IQCM: variants seen among roughly 807,000 people sequenced by gnomAD.
IQCM encodes the protein IQ domain-containing protein M.
Under a neutral mutation model 57.6 loss-of-function variants are expected in IQCM, and 45 were observed. That is an observed-to-expected ratio of 0.78 (90% CI 0.62 to 1.00). The LOEUF (loss-of-function observed/expected upper bound fraction) is 1.00. Ranked by LOEUF, IQCM falls within the 50% of genes least tolerant of loss-of-function variation. The pLI is 0.00. For missense variants in IQCM, 468 were observed against 511.6 expected, an observed-to-expected ratio of 0.91 and a Z score of 0.82; for synonymous variants, 148 against 158.9, an observed-to-expected ratio of 0.93 and a Z score of 0.51.
chr4:149,361,079 C>T (rs1486882641), intron 13 of IQCM, among the ~76,000 whole-genome samples: 1 of 152,090 alleles, frequency 6.6e-6, no homozygotes, highest in African/African-American at 2.4e-5. Context: ...AAAGGTGACT[C>T]TTGTTACATT....
intron 13 of IQCM, among the ~76,000 whole-genome samples, chr4:149,356,683 C>T (rs1156841123): frequency 1.3e-5 from 2 of 152,102 alleles, no homozygotes; most frequent in Non-Finnish European, 2.9e-5. Flanking sequence ...TAGCATGATG[C>T]CTCCAGCTTT....
chr4:149,641,245 G>C (rs1758163875), intron 7 of IQCM, among the ~76,000 whole-genome samples: 1 of 152,072 alleles, frequency 6.6e-6, no homozygotes, highest in East Asian at 1.9e-4. Flanking sequence ...ATGTTATTTA[G>C]CCAGTTTATT....
rs1033250514 is a variant in IQCM at position 149,465,248 on chromosome 4, A to C, written c.1229-31691T>G. On this transcript the variant is annotated intron_variant, in intron 12 of 13. Coordinates refer to ENST00000636793, the MANE Select transcript of IQCM (RefSeq NM_001363507.2). ...TTGGTTTTTTTTAATCAATTGATTAACAGAAGATGTAAGATATGTAGCTGG... is the reference window on the plus strand; with the variant it reads ...TTGGTTTTTTTTAATCAATTGATTACCAGAAGATGTAAGATATGTAGCTGG... 4.6e-5 allele frequency among the ~76,000 whole-genome samples: 7 copies of C among 152,196 alleles called. No homozygotes were observed. In the South Asian group the frequency reaches 1.4e-3, roughly 31 times the overall value.
chr4:149,771,411 T>C (rs1770567661), intron 2 of IQCM, among the ~76,000 whole-genome samples: 1 of 152,098 alleles, frequency 6.6e-6, no homozygotes, highest in African/African-American at 2.4e-5. Flanking sequence ...AAATGTCATA[T>C]TGTCTCTTAA....
At chr4:149,740,965 A>G (rs990524254) in intron 3 of IQCM, among the ~76,000 whole-genome samples, 4 of 152,156 alleles carry the variant, frequency 2.6e-5, no homozygotes, top group African/African-American at 9.7e-5. Context: ...ATGGAGCTGG[A>G]AAGTAAATAG....
intron 7 of IQCM, among the ~76,000 whole-genome samples, chr4:149,646,543 G>A (rs1758652861): frequency 6.6e-6 from 1 of 152,060 alleles, no homozygotes; most frequent in South Asian, 2.1e-4. Context: ...TATGTAAGCA[G>A]TAATCAAAAG....
At chr4:149,361,376 AC>A (rs1008490536) in intron 13 of IQCM, among the ~76,000 whole-genome samples, 9 of 152,226 alleles carry the variant, frequency 5.9e-5, no homozygotes, top group Non-Finnish European at 1.2e-4. Flanking sequence ...CCTAATGTTA[AC>A]CCCCAAGACC....
chr4:149,458,432 G>A (rs543585774), intron 12 of IQCM, among the ~76,000 whole-genome samples: 24 of 152,102 alleles, frequency 1.6e-4, no homozygotes, highest in Middle Eastern at 3.4e-3. Flanking sequence ...TTTAGTAAAA[G>A]ACAATAAGAA....
chr4:149,440,680 A>T (rs973719231), intron 12 of IQCM, among the ~76,000 whole-genome samples: 1 of 152,170 alleles, frequency 6.6e-6, no homozygotes, highest in Non-Finnish European at 1.5e-5. Context: ...TCAGTAAAAA[A>T]TGAACTTCAA....
intron 13 of IQCM, among the ~76,000 whole-genome samples, chr4:149,401,902 A>C (rs1437923850): frequency 6.6e-6 from 1 of 151,818 alleles, no homozygotes; most frequent in African/African-American, 2.4e-5. Flanking sequence ...CATTTTGTCC[A>C]TGCAACTTTA....
intron 2 of IQCM, among the ~76,000 whole-genome samples, chr4:149,763,825 T>C (rs1195747649): frequency 1.3e-5 from 2 of 151,842 alleles, no homozygotes; most frequent in Non-Finnish European, 2.9e-5. Flanking sequence ...TGCAAAAAGA[T>C]GCAATACCTG....
At chr4:149,586,203 A>C (rs1752631162) in intron 9 of IQCM, among the ~76,000 whole-genome samples, 1 of 151,678 alleles carries the variant, frequency 6.6e-6, no homozygotes, top group Admixed American at 6.6e-5. Context: ...TTTTCAAAAT[A>C]ATGTACATGT....
At chr4:149,440,850 A>G (rs996082879) in intron 12 of IQCM, among the ~76,000 whole-genome samples, 5 of 152,082 alleles carry the variant, frequency 3.3e-5, no homozygotes, top group African/African-American at 1.2e-4. Flanking sequence ...AGATTTCTCA[A>G]TCCTGTTCAA....
intron 5 of IQCM, among the ~76,000 whole-genome samples, chr4:149,717,193 T>C (rs1471822840): frequency 1.3e-5 from 2 of 152,194 alleles, no homozygotes; most frequent in African/African-American, 4.8e-5. Context: ...TAGCCAGTTG[T>C]TGAGAAATTC....
chr4:149,678,356 C>A (rs573912254), intron 7 of IQCM, among the ~76,000 whole-genome samples: 1 of 151,896 alleles, frequency 6.6e-6, no homozygotes, highest in East Asian at 1.9e-4. Flanking sequence ...TCATACATGC[C>A]AGGAGAAAAT....
chr4:149,717,402 CAG>C (rs1164887384), intron 5 of IQCM, among the ~76,000 whole-genome samples: 2 of 152,130 alleles, frequency 1.3e-5, no homozygotes, highest in Non-Finnish European at 2.9e-5. Context: ...CCAGAGGACA[CAG>C]AATTATTCTG....
intron 12 of IQCM, among the ~76,000 whole-genome samples, chr4:149,475,223 T>C (rs920520784): frequency 1.3e-5 from 2 of 152,128 alleles, no homozygotes; most frequent in African/African-American, 4.8e-5. Flanking sequence ...CTGAATATCA[T>C]TGAAGGTAGA....
chr4:149,573,851 G>A (rs1266885677), intron 9 of IQCM, among the ~76,000 whole-genome samples: 3 of 151,864 alleles, frequency 2.0e-5, no homozygotes, highest in Non-Finnish European at 2.9e-5. Context: ...AAATTTATAA[G>A]TAGTACAGCC....
At chr4:149,512,360 A>G (rs1303971337) in intron 12 of IQCM, among the ~76,000 whole-genome samples, 1 of 152,166 alleles carries the variant, frequency 6.6e-6, no homozygotes, top group African/African-American at 2.4e-5. Context: ...CCATGCCACA[A>G]CCTGGTTCTG....
Sources: gnomAD v4.1 joint callset for allele counts (sites outside exome capture counted in the v4.1 genomes callset) on GRCh38, gnomAD v4.1.1 for gene constraint, MANE v1.5 for transcripts, NCBI Gene and HGNC (gene_info 2026-07-23, HGNC 2026-07-21) for gene names.